CDH11: variants seen among roughly 807,000 people sequenced by gnomAD.
CDH11 encodes cadherin 11, also known as cadherin-11.
A neutral mutation model predicts 67.8 loss-of-function variants in CDH11; 11 were observed. The observed-to-expected ratio is 0.16, with a 90% CI of 0.10 to 0.27. The LOEUF (loss-of-function observed/expected upper bound fraction) is 0.27. CDH11 is among the 10% of genes least tolerant of loss of function. The pLI is 1.00. For missense variants in CDH11, 847 were observed against 1,031.2 expected, an observed-to-expected ratio of 0.82 and a Z score of 2.45; for synonymous variants, 419 against 400.0, an observed-to-expected ratio of 1.05 and a Z score of -0.57.
At chr16:65,021,876 G>GAAAAAAAAAAAAAAA (rs35700448) in intron 2 of CDH11, among the ~76,000 whole-genome samples, 1 of 109,846 alleles carries the variant, frequency 9.1e-6, no homozygotes, top group Non-Finnish European at 1.8e-5. Flanking sequence ...AAGTAACTCA[G>GAAAAAAAAAAAAAAA]AAAAAAAAAA....
intron 7 of CDH11, chr16:64,985,406 C>A (rs1329072794): frequency 4.0e-5 from 6 of 151,882 alleles, no homozygotes; most frequent in African/African-American, 1.5e-4. Context: ...GTTGGTTTTA[C>A]CGTATATATC....
At chr16:64,992,032 T>C in intron 5 of CDH11, 97 bp from the exon 6 acceptor site, 1 of 776,946 alleles carries the variant, frequency 1.3e-6, no homozygotes, top group Middle Eastern at 2.7e-4. Flanking sequence ...GAATAAAATA[T>C]CCCATGCCCT....
chr16:65,033,334 T>A (rs1204981366), intron 2 of CDH11, among the ~76,000 whole-genome samples: 1 of 152,026 alleles, frequency 6.6e-6, no homozygotes, highest in African/African-American at 2.4e-5. Flanking sequence ...CAAATAAAGT[T>A]AATCAAATAT....
At chr16:65,091,656 A>G (rs112671838) in intron 1 of CDH11, among the ~76,000 whole-genome samples, 60 of 149,714 alleles carry the variant, frequency 4.0e-4, no homozygotes, top group African/African-American at 1.4e-3. Context: ...GGTTCACGCC[A>G]TTCTCCTGCC....
Position 64,998,830 on chromosome 16 carries a change from A to G in CDH11, c.255T>C (p.Asp85=). The change falls in exon 4 of 13, where the codon GAT becomes GAC. Residue 85 remains aspartate, a synonymous_variant. Coordinates refer to ENST00000268603, the MANE Select transcript of CDH11 (RefSeq NM_001797.4). ...GRLHSDIDSG[D]GNIKYILSGE... Reference sequence around the variant, plus strand: ...CTGAGAGAATGTATTTAATGTTCCCATCACCAGAGTCAATATCTGAATGAA... The same window carrying G: ...CTGAGAGAATGTATTTAATGTTCCCGTCACCAGAGTCAATATCTGAATGAA... 6.2e-7 allele frequency: 1 copy of G among 1,614,114 alleles called. No individual in the cohort carries two copies. The highest frequency in any genetic ancestry group is 8.5e-7 in the Non-Finnish European group (1 of 1,179,968).
intron 2 of CDH11, among the ~76,000 whole-genome samples, chr16:65,045,535 C>T (rs1275530724): frequency 3.3e-5 from 5 of 151,644 alleles, no homozygotes; most frequent in Non-Finnish European, 7.4e-5. Flanking sequence ...CCTCAGCAGA[C>T]ACAATTAATT....
chr16:64,949,345 T>C (rs574163329), intron 12 of CDH11, among the ~76,000 whole-genome samples: 1 of 152,066 alleles, frequency 6.6e-6, no homozygotes, highest in African/African-American at 2.4e-5. Context: ...TGGACAACTC[T>C]CAGCAGCCAA....
At chr16:65,001,488 GA>G (rs998959432) in intron 3 of CDH11, among the ~76,000 whole-genome samples, 1 of 152,138 alleles carries the variant, frequency 6.6e-6, no homozygotes, top group African/African-American at 2.4e-5. Context: ...TAAGGGCAAG[GA>G]CATACGAATG....
intron 1 of CDH11, among the ~76,000 whole-genome samples, chr16:65,068,143 A>G (rs899693504): frequency 1.4e-5 from 2 of 146,170 alleles, no homozygotes; most frequent in African/African-American, 5.1e-5. Context: ...GCAGGGAGAG[A>G]GGGAGAGACA....
chr16:65,067,812 G>C (rs963168317), intron 1 of CDH11, among the ~76,000 whole-genome samples: 1 of 140,734 alleles, frequency 7.1e-6, no homozygotes, highest in Non-Finnish European at 1.6e-5. Flanking sequence ...AAGAAGGAAG[G>C]ATGAAGGGAG....
At chr16:65,016,768 A>G (rs1319924750) in intron 2 of CDH11, among the ~76,000 whole-genome samples, 1 of 152,216 alleles carries the variant, frequency 6.6e-6, no homozygotes, top group Non-Finnish European at 1.5e-5. Flanking sequence ...TAAATGAATC[A>G]AACAGTGGCT....
Position 64,971,926 on chromosome 16 carries a change from A to G in CDH11, c.1524+5T>C, listed in dbSNP as rs1745851961. On this transcript the variant is annotated splice_donor_5th_base_variant and intron_variant, in intron 10 of 12. Transcript: ENST00000268603. ...CCTAGCCAAGAATAGGGAAAGCAGG[A>G]TTACCTGGTTGGAAAGTGGCTTGGT... 2.5e-6 allele frequency: 4 copies of G among 1,613,744 alleles called. No individual in the cohort carries two copies. Among genetic ancestry groups the G allele is most frequent in the South Asian group, 2.2e-5 (2 of 91,054 alleles).
chr16:65,116,097 T>G (rs1475529042), intron 1 of CDH11, among the ~76,000 whole-genome samples: 1 of 152,166 alleles, frequency 6.6e-6, no homozygotes, highest in African/African-American at 2.4e-5. Flanking sequence ...CAAGAATGAA[T>G]AACTGGTCCA....
chr16:65,039,486 G>A (rs2073822307), intron 2 of CDH11, among the ~76,000 whole-genome samples: 1 of 152,170 alleles, frequency 6.6e-6, no homozygotes, highest in African/African-American at 2.4e-5. Context: ...AATAAATGGT[G>A]CTGGGAAAAC....
At chr16:64,958,935 C>T (rs1040605294) in intron 11 of CDH11, among the ~76,000 whole-genome samples, 2 of 152,154 alleles carry the variant, frequency 1.3e-5, no homozygotes, top group African/African-American at 4.8e-5. Context: ...CGCAAACATA[C>T]ACCCTTCACA....
chr16:65,112,124 C>A (rs1172765150), intron 1 of CDH11, among the ~76,000 whole-genome samples: 1 of 151,254 alleles, frequency 6.6e-6, no homozygotes, highest in Admixed American at 6.6e-5. Context: ...TTACATCTAT[C>A]CTGCATAGCA....
intron 1 of CDH11, among the ~76,000 whole-genome samples, chr16:65,115,715 AAAAAAAC>A (rs970175401): frequency 1.4e-5 from 2 of 139,676 alleles, no homozygotes; most frequent in African/African-American, 5.3e-5. Flanking sequence ...ACCAAAAAAA[AAAAAAAC>A]AAAAAAACAA....
chr16:65,014,933 G>A (rs2073266778), intron 2 of CDH11, among the ~76,000 whole-genome samples: 1 of 151,568 alleles, frequency 6.6e-6, no homozygotes, highest in African/African-American at 2.4e-5. Flanking sequence ...TCAGCTCACA[G>A]CAACCTCCAC....
At chr16:65,055,739 T>C (rs575938829) in intron 1 of CDH11, among the ~76,000 whole-genome samples, 2 of 152,172 alleles carry the variant, frequency 1.3e-5, no homozygotes, top group African/African-American at 4.8e-5. Flanking sequence ...TGGTATAGAA[T>C]GAATGTATTT....
Sources: gnomAD v4.1 joint callset for allele counts (sites outside exome capture counted in the v4.1 genomes callset) on GRCh38, gnomAD v4.1.1 for gene constraint, MANE v1.5 for transcripts, NCBI Gene and HGNC (gene_info 2026-07-23, HGNC 2026-07-21) for gene names.